The following DHRS7 variants were observed in gnomAD, a reference collection of about 807,000 sequenced individuals.
DHRS7 encodes dehydrogenase/reductase 7.
In DHRS7, 34 loss-of-function variants were observed where a neutral mutation model predicts 38.9. That is an observed-to-expected ratio of 0.87 (90% confidence interval 0.66 to 1.16). The LOEUF is 1.16. Ranked by LOEUF, DHRS7 falls within the 50% of genes most tolerant of loss-of-function variation. The probability of loss-of-function intolerance (pLI) is 0.00; values close to 1 mark genes in which losing one functional copy is unlikely to be tolerated. For missense variants in DHRS7, 421 were observed against 407.0 expected (o/e 1.03, Z -0.30); for synonymous variants, 158 against 153.1 (o/e 1.03, Z -0.24).
At chr14:60,167,922 C>T (rs1896887885), upstream of DHRS7, among the ~76,000 whole-genome samples, 1 of 152,170 alleles carries the variant, frequency 6.6e-6, no homozygotes, top group African/African-American at 2.4e-5. Flanking sequence ...GCCCCAAAAG[C>T]TCACAGCACC....
Position 60,149,565 on chromosome 14 carries a change from T to C in DHRS7, c.760A>G (p.Ile254Val). 6.3e-7 allele frequency: 1 copy of C among 1,595,994 alleles called. No individual in the cohort carries two copies. The highest frequency in any genetic ancestry group is 8.5e-7 in the Non-Finnish European group (1 of 1,171,680). ...NSLAGEVTKT[I>V]GNNGDQSHKM... ...TGGGACTGGTCTCCATTATTGCCTA[T>C]AGTCTAAGAAAAGTTAAAAATTAAG... Residue 254 changes from isoleucine (I) to valine (V), a missense_variant, in exon 6 of 7, where the codon ATA (isoleucine) becomes GTA (valine). By Grantham distance (29) the Ile-to-Val change is conservative (BLOSUM62 3). Transcript: ENST00000557185.
At position 60,144,256 on chromosome 14, in the gene DHRS7, ACTT is replaced by A. The variant is rs1316881297; in HGVS notation, c.*707_*709del. 6.6e-6 allele frequency: 1 copy of A among 152,156 alleles called. No individual in the cohort carries two copies. The highest frequency in any genetic ancestry group is 1.9e-4 in the East Asian group (1 of 5,190). 9.4% of individuals were successfully genotyped at this position (152,156 alleles called of 1,614,324 possible). On this transcript the variant is annotated 3_prime_UTR_variant, in exon 7 of 7. Transcript: ENST00000557185. ...TCTTGGAGGTAAGGTCATTTCAAATACTTCTTTATATCTGGTCATTACCCAGCA... is the reference window on the plus strand; with the variant it reads ...TCTTGGAGGTAAGGTCATTTCAAATACTTTATATCTGGTCATTACCCAGCA...
At position 60,152,965 on chromosome 14, in the gene DHRS7, A is replaced by G. The variant is rs753403676; in HGVS notation, c.607T>C (p.Tyr203His). The G allele has an allele frequency of 6.2e-7, 1 of 1,614,174 alleles. No individual in the cohort carries two copies. The highest frequency in any genetic ancestry group is 1.7e-5 in the Admixed American group (1 of 60,016). ...GIISVPLSIGYCASKHALRGF... is the reference protein window; with the variant it reads ...GIISVPLSIGHCASKHALRGF... ...CGGAGAGCATGCTTGCTAGCACAGT[A>G]TCCAATGGAAAGAGGTACAGATATG... The change falls in exon 4 of 7, where the codon TAC becomes CAC. Residue 203 changes from tyrosine to histidine, a missense_variant. By Grantham distance (83) the Tyr-to-His change is moderately conservative (BLOSUM62 2). Transcript: ENST00000557185.
Position 60,148,020 on chromosome 14 carries a change from A to G in DHRS7, c.972+1333T>C, listed in dbSNP as rs1896450556. The G allele has an allele frequency of 6.6e-6, 1 of 152,210 alleles. No individual in the cohort carries two copies. Among genetic ancestry groups the G allele is most frequent in the African/African-American group, 2.4e-5 (1 of 41,450 alleles). 9.4% of individuals were successfully genotyped at this position (152,210 alleles called of 1,614,324 possible). A position where few individuals can be genotyped will look rare whatever the true frequency, so the allele number is the denominator to read the frequency against. ...AAACACTCATAAGGGATCTGGCCCA[A>G]AGCAAACTGTTCCACATTACTACTT... On this transcript the variant is annotated intron_variant, in intron 6 of 6. Coordinates refer to ENST00000557185, the MANE Select transcript of DHRS7 (RefSeq NM_016029.4). This position sits in a 1 kb window ranked among gnomAD's most constrained non-coding sequence, Gnocchi z 4.8.
At position 60,162,837 on chromosome 14, in the gene DHRS7, G is replaced by A. The variant is rs894281082; in HGVS notation, c.133+2340C>T. ...ATATACTGTATATCATTTATGTACT[G>A]TACATATATCTGTGCTTTATACATA... On this transcript the variant is annotated intron_variant, in intron 1 of 6. Coordinates refer to ENST00000557185, the MANE Select transcript of DHRS7 (RefSeq NM_016029.4). The surrounding 1 kb of genome is among the most constrained non-coding windows in gnomAD (Gnocchi z 4.5). Among the ~76,000 whole-genome samples the A allele has an allele frequency of 6.6e-6, 1 of 151,810 alleles. No homozygotes were observed. Among genetic ancestry groups the A allele is most frequent in the Non-Finnish European group, 1.5e-5 (1 of 67,994 alleles).
chr14:60,158,097 G>C (rs1463905373), intron 1 of DHRS7, among the ~76,000 whole-genome samples: 1 of 151,898 alleles, frequency 6.6e-6, no homozygotes, highest in Non-Finnish European at 1.5e-5. Context: ...GCCAGGTGTG[G>C]TGGCGCATCG....
At chr14:60,158,460 G>A (rs1896701747) in intron 1 of DHRS7, among the ~76,000 whole-genome samples, 1 of 151,734 alleles carries the variant, frequency 6.6e-6, no homozygotes, top group African/African-American at 2.4e-5. Context: ...ACACTCTAGA[G>A]TGAATATCAT....
At chr14:60,163,658 C>T (rs1896807217) in intron 1 of DHRS7, among the ~76,000 whole-genome samples, 1 of 152,090 alleles carries the variant, frequency 6.6e-6, no homozygotes, top group South Asian at 2.1e-4. Flanking sequence ...TTTAACTTTT[C>T]CTTAATATGA....
chr14:60,152,597 A>AT (rs1442411378), intron 4 of DHRS7: 4 of 232,534 alleles, frequency 1.7e-5, no homozygotes, highest in Non-Finnish European at 3.4e-5. Flanking sequence ...TTCCATGAAG[A>AT]TTTAGTAGGA....
chr14:60,153,394 T>A lies in DHRS7; in HGVS notation c.394-216A>T, dbSNP rs1896590666. 6.6e-6 allele frequency among the ~76,000 whole-genome samples: 1 copy of A among 152,142 alleles called. No homozygotes were observed. Among genetic ancestry groups the A allele is most frequent in the East Asian group, 1.9e-4 (1 of 5,192 alleles). The stretch of plus-strand genomic sequence containing the variant: ...GGTGACTTTTTGTGAAAGTTAATAA[T>A]TGTCATTAAAATAAATAAAAGCAGC... On this transcript the variant is annotated intron_variant, in intron 3 of 6. Transcript: ENST00000557185. This position sits in a 1 kb window ranked among gnomAD's most constrained non-coding sequence, Gnocchi z 4.4.
chr14:60,147,403 AAAAG>A (rs1252937188), intron 6 of DHRS7: 1 of 152,162 alleles, frequency 6.6e-6, no homozygotes, highest in African/African-American at 2.4e-5. Flanking sequence ...CACACACAAA[AAAAG>A]GTAACTGGGT....
rs770661838 is a variant in DHRS7 at position 60,165,303 on chromosome 14, A to C, written c.7T>G (p.Trp3Gly). 6.3e-6 allele frequency: 10 copies of C among 1,587,912 alleles called. No homozygotes were observed. The South Asian group carries it at 1.1e-4, about 18-fold the overall frequency. The change falls in exon 1 of 7, where the codon TGG becomes GGG. Residue 3 changes from tryptophan to glycine, a missense_variant. Physicochemically the swap from Trp to Gly is radical, Grantham distance 184 (BLOSUM62 -2). Coordinates refer to ENST00000557185, the MANE Select transcript of DHRS7 (RefSeq NM_016029.4). This position sits in a 1 kb window ranked among gnomAD's most constrained non-coding sequence, Gnocchi z 4.6. MN[W>G]ELLLWLLVLC... ...ACCAGCAGCCACAGCAGCAGCTCCC[A>C]GTTCATTGCGGCCGCGCACGCCCAG...
chr14:60,158,782 C>CT (rs1896707625), intron 1 of DHRS7, among the ~76,000 whole-genome samples: 1 of 152,218 alleles, frequency 6.6e-6, no homozygotes, highest in Admixed American at 6.5e-5. Context: ...TGACCCATCT[C>CT]TAATTCCCTC....
At chr14:60,166,974 G>A (rs529172296), upstream of DHRS7, among the ~76,000 whole-genome samples, 111 of 144,648 alleles carry the variant, frequency 7.7e-4, no homozygotes, top group Admixed American at 1.6e-3. Context: ...GCTGAGAAGA[G>A]TAGTGGGAGG....
chr14:60,157,364 C>CG (rs1896679748), intron 1 of DHRS7, among the ~76,000 whole-genome samples: 1 of 152,182 alleles, frequency 6.6e-6, no homozygotes, highest in Non-Finnish European at 1.5e-5. Flanking sequence ...CTAGTACATA[C>CG]TCAGTGTTTA....
chr14:60,155,650 C>T (rs1896643032), intron 2 of DHRS7, among the ~76,000 whole-genome samples: 1 of 151,940 alleles, frequency 6.6e-6, no homozygotes, highest in Non-Finnish European at 1.5e-5. Flanking sequence ...AGGATTCTTC[C>T]TAATTTCTAT....
rs1008411970 is a variant in DHRS7 at position 60,146,210 on chromosome 14, CA to C, written c.973-1198del. ...ATGGTGGTAGGAAGAAAAAGGCTGT[CA>C]TTTTTTTAGAAAAACCTAGATGTAA... On this transcript the variant is annotated intron_variant, in intron 6 of 6. Transcript: ENST00000557185. The surrounding 1 kb of genome is among the most constrained non-coding windows in gnomAD (Gnocchi z 4.9). 7 of 151,798 alleles carry C rather than the reference CA, an allele frequency of 4.6e-5. No homozygotes were observed. Among genetic ancestry groups the C allele is most frequent in the African/African-American group, 1.7e-4 (7 of 41,352 alleles). 9.4% of individuals were successfully genotyped at this position (151,798 alleles called of 1,614,324 possible).
chr14:60,166,625 A>G (rs944045505), upstream of DHRS7, among the ~76,000 whole-genome samples: 1 of 141,702 alleles, frequency 7.1e-6, no homozygotes, highest in South Asian at 2.4e-4. Context: ...AAATCCTATT[A>G]TAAACCCCCT....
At chr14:60,163,753 A>T (rs962073606) in intron 1 of DHRS7, among the ~76,000 whole-genome samples, 1 of 152,208 alleles carries the variant, frequency 6.6e-6, no homozygotes, top group African/African-American at 2.4e-5. Flanking sequence ...ACATAATTTG[A>T]TGGGTTGAAT....
Sources: allele counts gnomAD v4.1 joint callset (sites outside exome capture counted in the v4.1 genomes callset), GRCh38; gene constraint gnomAD v4.1.1; non-coding constraint Gnocchi (gnomAD v3.1); transcripts MANE v1.5; gene names NCBI Gene and HGNC (gene_info 2026-07-23, HGNC 2026-07-21).